The following DYNLRB2 variants were observed in gnomAD, a reference collection of about 807,000 sequenced individuals.
DYNLRB2 encodes the protein bithoraxoid-like protein.
Under a neutral mutation model 12.6 loss-of-function variants are expected in DYNLRB2, and 14 were observed. That is an observed-to-expected ratio of 1.11 (90% CI 0.73 to 1.73). The LOEUF is 1.73. Ranked by LOEUF, DYNLRB2 falls within the 40% of genes most tolerant of loss-of-function variation. The pLI, the probability that DYNLRB2 is intolerant of heterozygous loss-of-function variation, is 0.00. For missense variants in DYNLRB2, 142 were observed against 117.7 expected (o/e 1.21, Z -0.95); for synonymous variants, 53 against 37.0 (o/e 1.43, Z -1.57).
chr16:80,546,429 C>T (rs143173114), intron 2 of DYNLRB2, among the ~76,000 whole-genome samples: 1 of 152,344 alleles, frequency 6.6e-6, no homozygotes, highest in Non-Finnish European at 1.5e-5. Context: ...TTAGGTCAGA[C>T]TTCTACCATG....
chr16:80,540,838 G>A (rs1170524967), upstream of DYNLRB2: 3 of 735,078 alleles, frequency 4.1e-6, no homozygotes, highest in African/African-American at 1.7e-5. Flanking sequence ...ACTGCTCCAG[G>A]ATTGGGCGAA....
intron 1 of DYNLRB2, among the ~76,000 whole-genome samples, chr16:80,541,681 T>C (rs959929877): frequency 6.8e-6 from 1 of 146,008 alleles, no homozygotes; most frequent in Non-Finnish European, 1.5e-5. Flanking sequence ...TAAGAAATTA[T>C]ACTAGGAGCA....
Position 80,543,470 on chromosome 16 carries a change from T to C in DYNLRB2, c.79+119T>C. 3.1e-6 allele frequency: 3 copies of C among 952,776 alleles called. No homozygotes were observed. The South Asian group carries it at 5.1e-5, about 16-fold the overall frequency. 59.0% of individuals were successfully genotyped at this position (952,776 alleles called of 1,614,324 possible). A position where few individuals can be genotyped will look rare whatever the true frequency, so the allele number is the denominator to read the frequency against. ...ACATCAAAAATATATTTATATATTT[T>C]AGCTCTGGCATTCACTTACCAAACA... On this transcript the variant is annotated intron_variant, in intron 2 of 3. Coordinates refer to ENST00000305904, the MANE Select transcript of DYNLRB2 (RefSeq NM_130897.3).
At chr16:80,545,691 G>A (rs1904415733) in intron 2 of DYNLRB2, among the ~76,000 whole-genome samples, 2 of 7,018 alleles carry the variant, frequency 2.8e-4, no homozygotes, top group African/African-American at 1.7e-4. Flanking sequence ...TTTTTGAGAT[G>A]GAGTCTCTCT....
chr16:80,543,431 CATCTTCGAATTTGACATCAAAA>C lies in DYNLRB2; in HGVS notation c.79+83_79+104del. ...TTGCCGTGTTAGTCCTTAAGACAAA[CATCTTCGAATTTGACATCAAAA>C]ATATATTTATATATTTTAGCTCTGG... On this transcript the variant is annotated intron_variant, in intron 2 of 3. Transcript: ENST00000305904. 3.7e-6 allele frequency: 5 copies of C among 1,354,386 alleles called. No homozygotes were observed. In the South Asian group the frequency reaches 6.3e-5, roughly 17 times the overall value. 83.9% of individuals were successfully genotyped at this position (1,354,386 alleles called of 1,614,324 possible).
intron 2 of DYNLRB2, among the ~76,000 whole-genome samples, chr16:80,547,243 AT>A (rs1904530777): frequency 1.3e-5 from 2 of 152,236 alleles, no homozygotes; most frequent in African/African-American, 4.8e-5. Context: ...AGACAATGGT[AT>A]CATTAAGATG....
intron 2 of DYNLRB2, among the ~76,000 whole-genome samples, chr16:80,545,913 C>T (rs1904434929): frequency 6.6e-6 from 1 of 151,638 alleles, no homozygotes; most frequent in Non-Finnish European, 1.5e-5. Context: ...TTGTGATCCA[C>T]CCACCTCGGC....
At chr16:80,543,176 A>G (rs1904304719) in intron 1 of DYNLRB2, 100 bp from the exon 2 acceptor site, 1 of 1,201,932 alleles carries the variant, frequency 8.3e-7, no homozygotes, top group African/African-American at 1.5e-5. Flanking sequence ...ACCTTAGGTT[A>G]AGGAGATAGG....
chr16:80,541,395 G>C, intron 1 of DYNLRB2: 1 of 984,606 alleles, frequency 1.0e-6, no homozygotes, highest in East Asian at 1.1e-4. Flanking sequence ...GGGGAGCCAG[G>C]AAAGTTTCCA....
chr16:80,549,316 T>C, intron 2 of DYNLRB2, 168 bp from the exon 3 acceptor site: 1 of 622,526 alleles, frequency 1.6e-6, no homozygotes, highest in Non-Finnish European at 2.6e-6. Context: ...AAAATCTACG[T>C]AGCGACAAAA....
At chr16:80,540,893 C>A, upstream of DYNLRB2, 1 of 1,079,486 alleles carries the variant, frequency 9.3e-7, no homozygotes, top group Non-Finnish European at 1.4e-6. Context: ...CCTTCGCCTA[C>A]GGCGGCCGGG....
intron 2 of DYNLRB2, among the ~76,000 whole-genome samples, chr16:80,543,722 T>C (rs1030453039): frequency 6.6e-6 from 1 of 152,244 alleles, no homozygotes; most frequent in African/African-American, 2.4e-5. Context: ...TTCAACATTA[T>C]GAACCATACA....
chr16:80,540,747 T>C (rs1196595413), upstream of DYNLRB2: 1 of 702,764 alleles, frequency 1.4e-6, no homozygotes, highest in South Asian at 1.5e-5. Context: ...GTTATCACAT[T>C]AATTCGTGCC....
At chr16:80,547,722 C>A (rs916698733) in intron 2 of DYNLRB2, 28 of 454,838 alleles carry the variant, frequency 6.2e-5, no homozygotes, top group Admixed American at 6.2e-4. Context: ...TCAAAGGTTG[C>A]ATGCTTGCTA....
intron 1 of DYNLRB2, 88 bp downstream of exon 1, chr16:80,541,167 G>C (rs189034057): frequency 6.6e-7 from 1 of 1,513,760 alleles, no homozygotes; most frequent in Non-Finnish European, 8.9e-7. Context: ...GGCCCACCCA[G>C]GCACGGGCGG....
chr16:80,550,466 T>C, intron 3 of DYNLRB2, 49 bp from the exon 4 acceptor site: 3 of 1,607,994 alleles, frequency 1.9e-6, no homozygotes, highest in Non-Finnish European at 8.5e-7. Context: ...AAATATTCCT[T>C]GATTAAATTT....
At chr16:80,548,035 T>C (rs1904588520) in intron 2 of DYNLRB2, 1 of 324,506 alleles carries the variant, frequency 3.1e-6, no homozygotes, top group Non-Finnish European at 6.0e-6. Context: ...CACTCTTCCA[T>C]TCTTGAAAGC....
chr16:80,550,521 A>G lies in DYNLRB2; in HGVS notation c.254A>G (p.Glu85Gly). ...TTTATCCATCTCTCCATAGATAAGGAATATCTTCTGATCGTCATTCAGAAT... is the reference window on the plus strand; with the variant it reads ...TTTATCCATCTCTCCATAGATAAGGGATATCTTCTGATCGTCATTCAGAAT... ...KHEIMVAPDK[E>G]YLLIVIQNPC... The change falls in exon 4 of 4, where the codon GAA (glutamate) becomes GGA (glycine). Residue 85 changes from glutamate (E) to glycine (G), a missense_variant. Physicochemically the swap from Glu to Gly is moderately conservative, Grantham distance 98. Coordinates refer to ENST00000305904, the MANE Select transcript of DYNLRB2 (RefSeq NM_130897.3). 1 of 1,614,180 alleles carries G rather than the reference A, an allele frequency of 6.2e-7. No individual in the cohort carries two copies. Among genetic ancestry groups the G allele is most frequent in the Non-Finnish European group, 8.5e-7 (1 of 1,180,014 alleles).
chr16:80,549,618 A>C lies in DYNLRB2; in HGVS notation c.214A>C (p.Arg72=), dbSNP rs1904714697. The change falls in exon 3 of 4, where the codon AGA becomes CGA. Residue 72 remains arginine, a synonymous_variant. Transcript: ENST00000305904. ...GAACGACCTGACTTTTCTTAGGATC[A>C]GATCAAAGAAACATGAAATCATGGT... The part of the protein sequence containing the change: ...PQNDLTFLRI[R]SKKHEIMVAP... The C allele has an allele frequency of 6.2e-7, 1 of 1,608,434 alleles. No individual in the cohort carries two copies. The highest frequency in any genetic ancestry group is 2.2e-5 in the East Asian group (1 of 44,758).
Sources: gnomAD v4.1 joint callset for allele counts (sites outside exome capture counted in the v4.1 genomes callset) on GRCh38, gnomAD v4.1.1 for gene constraint, MANE v1.5 for transcripts, NCBI Gene and HGNC (gene_info 2026-07-23, HGNC 2026-07-21) for gene names.